The following CDH13 variants were observed in gnomAD, a reference collection of about 807,000 sequenced individuals.
CDH13 encodes the protein cadherin 13.
CDH13 carries 24 observed loss-of-function variants against 63.8 expected under a neutral mutation model. The observed-to-expected ratio is 0.38, with a 90% CI of 0.27 to 0.53. The LOEUF is 0.53. Ranked by LOEUF, CDH13 falls within the 20% of genes least tolerant of loss-of-function variation. The pLI is 0.85. For synonymous variants in CDH13, 503 were observed against 355.3 expected, an observed-to-expected ratio of 1.42 and a Z score of -4.67; for missense variants, 1,049 against 903.1, an observed-to-expected ratio of 1.16 and a Z score of -2.07.
intron 2 of CDH13, among the ~76,000 whole-genome samples, chr16:82,978,050 G>T (rs1199765756): frequency 6.6e-6 from 1 of 152,154 alleles, no homozygotes; most frequent in African/African-American, 2.4e-5. Context: ...ACAGGGACTG[G>T]TGGCATTTTC....
intron 3 of CDH13, among the ~76,000 whole-genome samples, chr16:83,082,546 TAGG>T (rs2033323322): frequency 6.6e-6 from 1 of 151,866 alleles, no homozygotes; most frequent in South Asian, 2.1e-4. Flanking sequence ...GGCAGGAGAA[TAGG>T]AGGATTGACT....
At chr16:82,839,666 G>A (rs941949546) in intron 1 of CDH13, among the ~76,000 whole-genome samples, 7 of 152,142 alleles carry the variant, frequency 4.6e-5, no homozygotes, top group Admixed American at 1.3e-4. Flanking sequence ...TGTGGCCATC[G>A]CCATGTGCAC....
At chr16:83,586,797 C>T (rs1336912860) in intron 7 of CDH13, among the ~76,000 whole-genome samples, 2 of 152,196 alleles carry the variant, frequency 1.3e-5, no homozygotes, top group East Asian at 1.9e-4. Context: ...AATCTGTGGC[C>T]GGGTTATGCT....
At chr16:83,260,708 G>C (rs62040397) in intron 5 of CDH13, among the ~76,000 whole-genome samples, 10,410 of 152,198 alleles carry the variant, frequency 0.068, 489 homozygotes, top group East Asian at 0.23. Flanking sequence ...GGCCTCCACC[G>C]ACAGCCCCAT....
At chr16:83,670,605 C>G (rs945002822) in intron 8 of CDH13, among the ~76,000 whole-genome samples, 185 bp from the exon 9 acceptor site, 8 of 152,224 alleles carry the variant, frequency 5.3e-5, no homozygotes, top group Admixed American at 5.2e-4. Flanking sequence ...AGAAGTTAGT[C>G]TCGTGGCCTC....
rs566283885 is a variant in CDH13, at chr16:83,110,323, C to T, written c.367-15062C>T. Reference sequence around the variant, plus strand: ...GTCTGTCTTTCAAAATGAAAAGCTACAGGGTAGCTTGTGTTAACCACACAA... The same window carrying T: ...GTCTGTCTTTCAAAATGAAAAGCTATAGGGTAGCTTGTGTTAACCACACAA... On this transcript the variant is annotated intron_variant, in intron 3 of 13. Coordinates refer to ENST00000567109, the MANE Select transcript of CDH13 (RefSeq NM_001257.5). Among the ~76,000 whole-genome samples, 7 of 152,314 alleles carry T rather than the reference C, an allele frequency of 4.6e-5. No individual in the cohort carries two copies. The South Asian group carries it at 1.5e-3, about 32-fold the overall frequency.
intron 1 of CDH13, among the ~76,000 whole-genome samples, 168 bp downstream of exon 1, chr16:82,627,305 A>AC (rs747755220): frequency 7.1e-6 from 1 of 140,146 alleles, no homozygotes; most frequent in Non-Finnish European, 1.5e-5. Flanking sequence ...GATCCTAGGC[A>AC]CCCCCCACAC....
chr16:83,255,986 C>G (rs1370554739), intron 5 of CDH13, among the ~76,000 whole-genome samples: 2 of 152,116 alleles, frequency 1.3e-5, no homozygotes, highest in African/African-American at 4.8e-5. Flanking sequence ...ACCCAACTTC[C>G]TAGGGCCACT....
intron 8 of CDH13, among the ~76,000 whole-genome samples, chr16:83,609,791 G>A (rs759895082): frequency 2.4e-4 from 36 of 152,182 alleles, no homozygotes; most frequent in Non-Finnish European, 4.4e-4. Flanking sequence ...TATATTCACA[G>A]AGTTGTCGAA....
intron 3 of CDH13, among the ~76,000 whole-genome samples, chr16:83,036,051 T>G (rs1408461653): frequency 6.6e-6 from 1 of 151,740 alleles, no homozygotes; most frequent in Non-Finnish European, 1.5e-5. Flanking sequence ...TGAGACACAA[T>G]GGGGCTGTTT....
At chr16:83,670,310 C>G (rs1194641891) in intron 8 of CDH13, among the ~76,000 whole-genome samples, 1 of 152,150 alleles carries the variant, frequency 6.6e-6, no homozygotes, top group African/African-American at 2.4e-5. Flanking sequence ...CAAATGCAAA[C>G]AAAAATGGCT....
chr16:83,489,355 C>T (rs555227765), intron 7 of CDH13, among the ~76,000 whole-genome samples: 2 of 152,296 alleles, frequency 1.3e-5, no homozygotes, highest in South Asian at 4.1e-4. Context: ...AAAAGATCAA[C>T]TCAATTTAAC....
chr16:83,230,288 C>G (rs1228858527), intron 5 of CDH13, among the ~76,000 whole-genome samples: 1 of 152,034 alleles, frequency 6.6e-6, no homozygotes, highest in Non-Finnish European at 1.5e-5. Flanking sequence ...GTTTCTGCTC[C>G]CAAATAAAAA....
chr16:83,716,767 C>G (rs1598566202), intron 10 of CDH13, among the ~76,000 whole-genome samples: 1 of 152,180 alleles, frequency 6.6e-6, no homozygotes, highest in Non-Finnish European at 1.5e-5. Context: ...TAGGCATGAG[C>G]CACCGCACCC....
At chr16:82,727,990 A>G (rs1320370193) in intron 1 of CDH13, among the ~76,000 whole-genome samples, 3 of 152,162 alleles carry the variant, frequency 2.0e-5, no homozygotes, top group African/African-American at 7.2e-5. Flanking sequence ...TTCCCTTCGT[A>G]TCTCAGCTTC....
At chr16:83,002,741 G>A (rs1024528515) in intron 2 of CDH13, among the ~76,000 whole-genome samples, 9 of 152,182 alleles carry the variant, frequency 5.9e-5, no homozygotes, top group Admixed American at 2.6e-4. Context: ...CAGAGACTGG[G>A]AGGAGGTGAG....
intron 6 of CDH13, among the ~76,000 whole-genome samples, chr16:83,363,555 A>G (rs953727423): frequency 1.3e-5 from 2 of 152,232 alleles, no homozygotes; most frequent in African/African-American, 4.8e-5. Context: ...GGTGAGAGGC[A>G]TCACTGAAAT....
chr16:82,724,296 C>T (rs958972950), intron 1 of CDH13, among the ~76,000 whole-genome samples: 3 of 152,118 alleles, frequency 2.0e-5, no homozygotes, highest in Non-Finnish European at 4.4e-5. Flanking sequence ...TCCATCCATC[C>T]ATCCATATAT....
intron 10 of CDH13, chr16:83,717,094 T>C (rs568678388): frequency 7.2e-5 from 11 of 152,248 alleles, no homozygotes; most frequent in Admixed American, 6.5e-4. Flanking sequence ...GCCCCGTCTC[T>C]ACTAAAAATA....
Sources: allele counts gnomAD v4.1 joint callset (sites outside exome capture counted in the v4.1 genomes callset), GRCh38; gene constraint gnomAD v4.1.1; transcripts MANE v1.5; gene names NCBI Gene and HGNC (gene_info 2026-07-23, HGNC 2026-07-21).